CRIM1: variants seen among roughly 807,000 people sequenced by gnomAD.
CRIM1 encodes the protein cysteine-rich motor neuron 1 protein.
In CRIM1, 32 loss-of-function variants were observed where a neutral mutation model predicts 116.4. The ratio of observed to expected loss-of-function variants is 0.27; its 90% CI spans 0.21 to 0.37. The LOEUF is 0.37. Among genes scored for constraint, CRIM1 ranks in the 10% least tolerant of loss-of-function variants. The pLI is 1.00. For synonymous variants in CRIM1, 590 were observed against 509.2 expected (o/e 1.16, Z -2.13); for missense variants, 1,331 against 1,354.8 (o/e 0.98, Z 0.28).
chr2:36,455,507 C>G (rs1470842779), intron 4 of CRIM1, among the ~76,000 whole-genome samples: 1 of 152,178 alleles, frequency 6.6e-6, no homozygotes, highest in East Asian at 1.9e-4. Context: ...AGAACTTGAA[C>G]CTAAGACTGT....
chr2:36,484,113 G>A (rs1679632651), intron 7 of CRIM1, among the ~76,000 whole-genome samples: 1 of 152,186 alleles, frequency 6.6e-6, no homozygotes, highest in East Asian at 1.9e-4. Context: ...CAAGACTGAT[G>A]TGTATTCTGT....
chr2:36,457,952 C>T (rs1558607708), intron 4 of CRIM1, among the ~76,000 whole-genome samples: 1 of 152,088 alleles, frequency 6.6e-6, no homozygotes, highest in Non-Finnish European at 1.5e-5. Context: ...AAGGGCTTTG[C>T]CCTTTTTGCT....
chr2:36,514,021 T>C (rs1033942285), intron 11 of CRIM1, among the ~76,000 whole-genome samples: 2 of 152,222 alleles, frequency 1.3e-5, no homozygotes, highest in Non-Finnish European at 2.9e-5. Context: ...ATGTAAGGTC[T>C]TTGGACTACA....
intron 5 of CRIM1, among the ~76,000 whole-genome samples, chr2:36,470,375 C>T (rs1320590825): frequency 6.6e-6 from 1 of 152,152 alleles, no homozygotes; most frequent in Non-Finnish European, 1.5e-5. Flanking sequence ...AGGAAGCAGC[C>T]TTCTATGGAA....
chr2:36,502,185 C>T (rs183688725), intron 8 of CRIM1, among the ~76,000 whole-genome samples: 29 of 152,272 alleles, frequency 1.9e-4, no homozygotes, highest in African/African-American at 6.3e-4. Context: ...TCTAAGACTT[C>T]GGTCACTTCA....
At chr2:36,435,411 T>G (rs1675228023) in intron 2 of CRIM1, among the ~76,000 whole-genome samples, 1 of 152,030 alleles carries the variant, frequency 6.6e-6, no homozygotes, top group East Asian at 1.9e-4. Flanking sequence ...ATAGAAGTTT[T>G]CAGTGTCAGA....
rs1668834716 is a variant in CRIM1 at position 36,356,710 on chromosome 2, T to A, written c.331+87T>A. The A allele has an allele frequency of 1.5e-6, 2 of 1,340,074 alleles. No individual in the cohort carries two copies. Among genetic ancestry groups the A allele is most frequent in the Non-Finnish European group, 2.0e-6 (2 of 988,714 alleles). The allele number at this position is 1,340,074 out of a possible 1,614,324, so 83.0% of individuals were successfully genotyped here. A position where few individuals can be genotyped will look rare whatever the true frequency, so the allele number is the denominator to read the frequency against. On this transcript the variant is annotated intron_variant, in intron 1 of 16. Coordinates refer to ENST00000280527, the MANE Select transcript of CRIM1 (RefSeq NM_016441.3). This position sits in a 1 kb window ranked among gnomAD's most constrained non-coding sequence, Gnocchi z 4.3. ...GTGCCGAACAAAGTTTGGGCGAGACTTTCTGGAGGAAAGAGGGCTCTGCGG... is the reference window on the plus strand; with the variant it reads ...GTGCCGAACAAAGTTTGGGCGAGACATTCTGGAGGAAAGAGGGCTCTGCGG...
chr2:36,505,268 A>G (rs1004559052), intron 8 of CRIM1, among the ~76,000 whole-genome samples: 5 of 152,240 alleles, frequency 3.3e-5, no homozygotes, highest in African/African-American at 1.2e-4. Flanking sequence ...TCCTCACTTA[A>G]CATCCTCTGT....
chr2:36,409,271 C>A (rs1321861935), intron 2 of CRIM1, among the ~76,000 whole-genome samples: 1 of 152,172 alleles, frequency 6.6e-6, no homozygotes, highest in Non-Finnish European at 1.5e-5. Flanking sequence ...AGCCCAGCAT[C>A]ATCTTTCTCT....
chr2:36,391,278 G>A (rs1055023991), intron 1 of CRIM1, among the ~76,000 whole-genome samples: 2 of 151,396 alleles, frequency 1.3e-5, no homozygotes, highest in Admixed American at 6.6e-5. Flanking sequence ...ACAGGCGCCC[G>A]CCACCACGCC....
chr2:36,441,614 G>A (rs1269920348), intron 3 of CRIM1, 114 bp downstream of exon 3: 1 of 1,353,184 alleles, frequency 7.4e-7, no homozygotes. Context: ...TCTCACCGGT[G>A]TCCTGTGAAT....
At chr2:36,361,812 C>G (rs944357872) in intron 1 of CRIM1, among the ~76,000 whole-genome samples, 2 of 152,054 alleles carry the variant, frequency 1.3e-5, no homozygotes, top group African/African-American at 4.8e-5. Flanking sequence ...ACACTGTGTT[C>G]CGTATGGCAC....
chr2:36,501,642 A>C (rs970048407), intron 8 of CRIM1, among the ~76,000 whole-genome samples: 2 of 152,132 alleles, frequency 1.3e-5, no homozygotes, highest in Non-Finnish European at 1.5e-5. Context: ...CGATCTCTTG[A>C]GCTCGGGAAG....
At chr2:36,473,563 T>A (rs918350054) in intron 5 of CRIM1, among the ~76,000 whole-genome samples, 5 of 152,174 alleles carry the variant, frequency 3.3e-5, no homozygotes, top group Non-Finnish European at 5.9e-5. Flanking sequence ...TAATCTACTT[T>A]CTATCTCTAT....
At chr2:36,462,966 G>A (rs3770865) in intron 4 of CRIM1, among the ~76,000 whole-genome samples, 33,001 of 152,068 alleles carry the variant, frequency 0.22, 3,667 homozygotes, top group East Asian at 0.36. Context: ...GGAATATAGC[G>A]TATGAATTGA....
chr2:36,544,370 T>C lies in CRIM1; in HGVS notation c.2624-6T>C. On this transcript the variant is annotated splice_polypyrimidine_tract_variant and splice_region_variant and intron_variant, in intron 14 of 16. Coordinates refer to ENST00000280527, the MANE Select transcript of CRIM1 (RefSeq NM_016441.3). ...ATCTCTTAGGAAAAATGTTCCCTTC[T>C]TTTAGAAATGTATGTCCCAGAACCA... 1 of 1,342,596 alleles carries C rather than the reference T, an allele frequency of 7.4e-7. No individual in the cohort carries two copies. The highest frequency in any genetic ancestry group is 9.6e-7 in the Non-Finnish European group (1 of 1,036,962). 83.2% of individuals were successfully genotyped at this position (1,342,596 alleles called of 1,614,324 possible). A position where few individuals can be genotyped will look rare whatever the true frequency, so the allele number is the denominator to read the frequency against.
intron 7 of CRIM1, among the ~76,000 whole-genome samples, chr2:36,480,451 C>A (rs1679320617): frequency 6.6e-6 from 1 of 152,274 alleles, no homozygotes; most frequent in Admixed American, 6.5e-5. Flanking sequence ...TTAAGAAGTA[C>A]ATTTGCATAG....
Position 36,368,199 on chromosome 2 carries a change from G to A in CRIM1, c.331+11576G>A, listed in dbSNP as rs972898961. ...AGTGCATGAAAGGGGGTGTGGGGTCGCTGGCCAAACGTGGCATGTTGGTGC... is the reference window on the plus strand; with the variant it reads ...AGTGCATGAAAGGGGGTGTGGGGTCACTGGCCAAACGTGGCATGTTGGTGC... On this transcript the variant is annotated intron_variant, in intron 1 of 16. Transcript: ENST00000280527. Among the ~76,000 whole-genome samples, 5 of 152,300 alleles carry A rather than the reference G, an allele frequency of 3.3e-5. No homozygotes were observed. In the East Asian group the frequency reaches 9.7e-4, roughly 29 times the overall value.
chr2:36,374,411 T>C (rs1353109823), intron 1 of CRIM1, among the ~76,000 whole-genome samples: 1 of 152,206 alleles, frequency 6.6e-6, no homozygotes, highest in Non-Finnish European at 1.5e-5. Flanking sequence ...GAAACAATTA[T>C]CTAAAATGCT....
Sources: gnomAD v4.1 joint callset for allele counts (sites outside exome capture counted in the v4.1 genomes callset) on GRCh38, gnomAD v4.1.1 for gene constraint, Gnocchi (gnomAD v3.1) non-coding constraint, MANE v1.5 for transcripts, NCBI Gene and HGNC (gene_info 2026-07-23, HGNC 2026-07-21) for gene names.